The following PDLIM5 variants were observed in gnomAD, a reference collection of about 807,000 sequenced individuals.
PDLIM5 encodes PDZ and LIM domain 5.
PDLIM5 carries 34 observed loss-of-function variants against 64.2 expected under a neutral mutation model. The ratio of observed to expected loss-of-function variants is 0.53; its 90% CI spans 0.40 to 0.71. PDLIM5 has a LOEUF of 0.71. Ranked by LOEUF, PDLIM5 falls within the 30% of genes least tolerant of loss-of-function variation. The pLI, the probability that PDLIM5 is intolerant of heterozygous loss-of-function variation, is 0.00. For missense variants in PDLIM5, 683 were observed against 733.6 expected (o/e 0.93, Z 0.80); for synonymous variants, 253 against 269.1 (o/e 0.94, Z 0.59).
intron 3 of PDLIM5, among the ~76,000 whole-genome samples, chr4:94,556,749 G>T (rs1330999077): frequency 3.3e-5 from 5 of 152,106 alleles, no homozygotes; most frequent in Non-Finnish European, 7.4e-5. Flanking sequence ...TTTTGATGGG[G>T]TTGTTTGTTT....
chr4:94,483,192 C>T (rs1229034457), intron 2 of PDLIM5, among the ~76,000 whole-genome samples: 1 of 152,038 alleles, frequency 6.6e-6, no homozygotes, highest in Non-Finnish European at 1.5e-5. Context: ...AAAGTAGCCC[C>T]TCAAAATTAG....
chr4:94,613,863 C>T (rs548074562), intron 7 of PDLIM5, among the ~76,000 whole-genome samples: 62 of 151,090 alleles, frequency 4.1e-4, no homozygotes, highest in Non-Finnish European at 8.1e-4. Flanking sequence ...CAATGCTATA[C>T]TATATTAATA....
intron 7 of PDLIM5, among the ~76,000 whole-genome samples, chr4:94,593,609 C>T (rs1217315834): frequency 1.3e-5 from 2 of 152,076 alleles, no homozygotes; most frequent in East Asian, 1.9e-4. Flanking sequence ...TCTATTGGGT[C>T]AGGGTCCCAC....
intron 9 of PDLIM5, among the ~76,000 whole-genome samples, chr4:94,643,092 T>C (rs566123962): frequency 1.3e-5 from 2 of 152,302 alleles, no homozygotes; most frequent in Admixed American, 6.5e-5. Context: ...CAGAGTTGAT[T>C]GTTTTAGAAA....
At chr4:94,626,094 A>G (rs1331383093) in intron 8 of PDLIM5, among the ~76,000 whole-genome samples, 1 of 152,192 alleles carries the variant, frequency 6.6e-6, no homozygotes, top group Non-Finnish European at 1.5e-5. Flanking sequence ...ACGAAACGGG[A>G]AAAAACACAA....
chr4:94,619,319 T>TC (rs1460757234), intron 8 of PDLIM5, among the ~76,000 whole-genome samples: 1 of 151,474 alleles, frequency 6.6e-6, no homozygotes, highest in Non-Finnish European at 1.5e-5. Flanking sequence ...CCCCCATACC[T>TC]CCATACTACA....
intron 9 of PDLIM5, among the ~76,000 whole-genome samples, chr4:94,646,700 C>G (rs1227852955): frequency 1.3e-5 from 2 of 152,140 alleles, no homozygotes; most frequent in African/African-American, 4.8e-5. Flanking sequence ...GTTCAGAAGT[C>G]TATTCATAAT....
At chr4:94,498,138 T>C (rs1178717678) in intron 2 of PDLIM5, among the ~76,000 whole-genome samples, 1 of 152,198 alleles carries the variant, frequency 6.6e-6, no homozygotes, top group Non-Finnish European at 1.5e-5. Context: ...GTATTTGTGC[T>C]TTAAGAAGCG....
chr4:94,665,918 A>C lies in PDLIM5; in HGVS notation c.*1851A>C. 3 of 1,496,654 alleles carry C rather than the reference A, an allele frequency of 2.0e-6. No homozygotes were observed. Among genetic ancestry groups the C allele is most frequent in the Non-Finnish European group, 2.7e-6 (3 of 1,131,394 alleles). The allele number at this position is 1,496,654 out of a possible 1,614,324, so 92.7% of individuals were successfully genotyped here. On this transcript the variant is annotated 3_prime_UTR_variant, in exon 13 of 13. Transcript: ENST00000317968. ...TTGGGAAAAGAATTATGTAGATACC[A>C]CATGGAGACAGGGAAACAATTGTGG... is the stretch of plus-strand genomic sequence containing the variant.
rs1734980713 is a variant in PDLIM5, at chr4:94,573,470, G to A, written c.291+77G>A. The A allele has an allele frequency of 5.6e-6, 6 of 1,072,534 alleles. No individual in the cohort carries two copies. In the Admixed American group the frequency reaches 1.0e-4, roughly 18 times the overall value. 66.4% of individuals were successfully genotyped at this position (1,072,534 alleles called of 1,614,324 possible). A position where few individuals can be genotyped will look rare whatever the true frequency, so the allele number is the denominator to read the frequency against. On this transcript the variant is annotated intron_variant, in intron 4 of 12. Coordinates refer to ENST00000317968, the MANE Select transcript of PDLIM5 (RefSeq NM_006457.5). ...TACTGTAATTCCCATTACTGTCTCA[G>A]ACCATACTGACATTCATTTAATTTA... is the stretch of plus-strand genomic sequence containing the variant.
intron 2 of PDLIM5, among the ~76,000 whole-genome samples, chr4:94,514,325 G>A (rs181898173): frequency 0.011 from 1,744 of 151,738 alleles, 32 homozygotes; most frequent in African/African-American, 0.041. Flanking sequence ...TAGTAGAGGC[G>A]GGGTTTCACC....
intron 2 of PDLIM5, among the ~76,000 whole-genome samples, chr4:94,490,498 A>G (rs1172267564): frequency 6.6e-6 from 1 of 152,144 alleles, no homozygotes; most frequent in Non-Finnish European, 1.5e-5. Flanking sequence ...AACAGTGGAA[A>G]AAGAATTGGT....
chr4:94,614,749 G>A (rs777810854), intron 7 of PDLIM5, among the ~76,000 whole-genome samples: 4 of 152,106 alleles, frequency 2.6e-5, no homozygotes, highest in Non-Finnish European at 4.4e-5. Flanking sequence ...GAGAGAGAAC[G>A]TATACAAACC....
chr4:94,665,207 G>C lies in PDLIM5; in HGVS notation c.*1140G>C. 2 of 882,196 alleles carry C rather than the reference G, an allele frequency of 2.3e-6. No homozygotes were observed. The highest frequency in any genetic ancestry group is 2.7e-6 in the Non-Finnish European group (2 of 735,340). The allele number at this position is 882,196 out of a possible 1,614,324, so 54.6% of individuals were successfully genotyped here. A position where few individuals can be genotyped will look rare whatever the true frequency, so the allele number is the denominator to read the frequency against. On this transcript the variant is annotated 3_prime_UTR_variant, in exon 13 of 13. Transcript: ENST00000317968. The stretch of plus-strand genomic sequence containing the variant: ...TTTAAAGAGAATAAATAGAGGGCCA[G>C]GTGTGGTGGCTCACGCCTGTGATCC...
intron 3 of PDLIM5, among the ~76,000 whole-genome samples, chr4:94,563,958 C>CTTTTTT (rs796820308): frequency 1.0e-4 from 12 of 119,362 alleles, no homozygotes; most frequent in South Asian, 2.8e-4. Flanking sequence ...TTCTTTCTTT[C>CTTTTTT]TTTTTTTTTT....
intron 5 of PDLIM5, chr4:94,582,633 T>G (rs1735822461): frequency 1.3e-6 from 1 of 795,746 alleles, no homozygotes; most frequent in Admixed American, 2.4e-5. Flanking sequence ...TCTCCCCTCT[T>G]TGTCTGTTGT....
intron 8 of PDLIM5, among the ~76,000 whole-genome samples, chr4:94,638,378 G>A (rs1415664420): frequency 6.6e-6 from 1 of 152,304 alleles, no homozygotes; most frequent in Middle Eastern, 3.4e-3. Context: ...TGAAACATGG[G>A]CAATAATAGA....
intron 9 of PDLIM5, among the ~76,000 whole-genome samples, chr4:94,646,435 C>G (rs1353800249): frequency 6.6e-6 from 1 of 152,330 alleles, no homozygotes; most frequent in East Asian, 1.9e-4. Context: ...TGAACTTTAG[C>G]TTCCAGAACT....
chr4:94,613,164 T>A (rs911393002), intron 7 of PDLIM5, among the ~76,000 whole-genome samples: 1 of 152,076 alleles, frequency 6.6e-6, no homozygotes, highest in Non-Finnish European at 1.5e-5. Flanking sequence ...CCAGAAATAT[T>A]CCTTTCCTGC....
Sources: gnomAD v4.1 joint callset for allele counts (sites outside exome capture counted in the v4.1 genomes callset) on GRCh38, gnomAD v4.1.1 for gene constraint, MANE v1.5 for transcripts, NCBI Gene and HGNC (gene_info 2026-07-23, HGNC 2026-07-21) for gene names.